Variants in ATRN observed in about 807,000 individuals in gnomAD.
The protein encoded by ATRN is attractin-2.
Under a neutral mutation model 178.7 loss-of-function variants are expected in ATRN, and 54 were observed. The ratio of observed to expected loss-of-function variants is 0.30; its 90% CI spans 0.24 to 0.38. The LOEUF is 0.38. Ranked by LOEUF, ATRN falls within the 10% of genes least tolerant of loss-of-function variation. ATRN has a pLI of 1.00. For missense variants in ATRN, 1,443 were observed against 1,815.1 expected, an observed-to-expected ratio of 0.79 and a Z score of 3.73; for synonymous variants, 636 against 663.0, an observed-to-expected ratio of 0.96 and a Z score of 0.63.
chr20:3,568,589 T>C (rs192408493), intron 11 of ATRN, among the ~76,000 whole-genome samples: 1 of 152,346 alleles, frequency 6.6e-6, no homozygotes, highest in East Asian at 1.9e-4. Context: ...ACTGAATTCT[T>C]GAATATTGAA....
At chr20:3,579,266 G>A (rs574099884) in intron 15 of ATRN, among the ~76,000 whole-genome samples, 30 of 152,116 alleles carry the variant, frequency 2.0e-4, no homozygotes, top group Admixed American at 1.1e-3. Flanking sequence ...TGGGTGGATC[G>A]CCTGAGGTCA....
At chr20:3,535,873 G>A (rs1372371014) in intron 2 of ATRN, among the ~76,000 whole-genome samples, 3 of 151,962 alleles carry the variant, frequency 2.0e-5, no homozygotes, top group East Asian at 1.9e-4. Flanking sequence ...CAAGTGATCC[G>A]CTCGCCTCAG....
chr20:3,601,117 A>T (rs2086602152), intron 23 of ATRN, 93 bp downstream of exon 23: 1 of 1,220,904 alleles, frequency 8.2e-7, no homozygotes, highest in Non-Finnish European at 1.2e-6. Flanking sequence ...CAGGAGACAG[A>T]TTGGTTTGAA....
chr20:3,502,123 T>C (rs2084972877), intron 1 of ATRN, among the ~76,000 whole-genome samples: 1 of 152,150 alleles, frequency 6.6e-6, no homozygotes, highest in African/African-American at 2.4e-5. Context: ...TTACTATGTA[T>C]AATATTTTAC....
At chr20:3,497,421 A>G (rs1452159838) in intron 1 of ATRN, among the ~76,000 whole-genome samples, 1 of 151,838 alleles carries the variant, frequency 6.6e-6, no homozygotes, top group Non-Finnish European at 1.5e-5. Flanking sequence ...TCACTTATGA[A>G]GCTTAGTTTG....
intron 3 of ATRN, among the ~76,000 whole-genome samples, chr20:3,540,551 T>C (rs1034119057): frequency 6.6e-6 from 1 of 152,240 alleles, no homozygotes; most frequent in African/African-American, 2.4e-5. Context: ...TGACTTCTCT[T>C]TTCAGTGCCC....
intron 24 of ATRN, among the ~76,000 whole-genome samples, chr20:3,604,743 C>A (rs995835064): frequency 6.6e-6 from 1 of 152,172 alleles, no homozygotes; most frequent in Non-Finnish European, 1.5e-5. Context: ...TCTAGTCAGA[C>A]AGAGGTGGAT....
At chr20:3,572,235 A>G (rs2086135753) in intron 11 of ATRN, among the ~76,000 whole-genome samples, 1 of 152,192 alleles carries the variant, frequency 6.6e-6, no homozygotes, top group Admixed American at 6.5e-5. Flanking sequence ...TATTTAAAAA[A>G]TGAAGATATA....
intron 24 of ATRN, among the ~76,000 whole-genome samples, chr20:3,618,870 G>C (rs1010757143): frequency 6.6e-6 from 1 of 152,148 alleles, no homozygotes; most frequent in Non-Finnish European, 1.5e-5. Context: ...AAGAAAAAAG[G>C]AAGAGTTGTT....
intron 1 of ATRN, among the ~76,000 whole-genome samples, chr20:3,516,303 T>C (rs2085205707): frequency 6.6e-6 from 1 of 152,166 alleles, no homozygotes; most frequent in Non-Finnish European, 1.5e-5. Context: ...TCTCTAGCCT[T>C]ATCTAGCTGC....
chr20:3,621,761 A>G (rs550567217), intron 24 of ATRN, among the ~76,000 whole-genome samples: 1 of 152,302 alleles, frequency 6.6e-6, no homozygotes, highest in South Asian at 2.1e-4. Context: ...TAAAAATGAA[A>G]CCAAAAAGTA....
At chr20:3,565,746 C>T (rs2086024984) in intron 11 of ATRN, among the ~76,000 whole-genome samples, 1 of 137,842 alleles carries the variant, frequency 7.3e-6, no homozygotes, top group African/African-American at 2.8e-5. Context: ...TGCCGTGAGA[C>T]GAGATCGCGC....
chr20:3,605,880 C>G (rs926273521), intron 24 of ATRN, among the ~76,000 whole-genome samples: 22 of 152,226 alleles, frequency 1.4e-4, no homozygotes, highest in African/African-American at 5.3e-4. Context: ...ACCTATACAT[C>G]CTGCACATGT....
chr20:3,609,099 G>T (rs886855897), intron 24 of ATRN, among the ~76,000 whole-genome samples: 10 of 151,926 alleles, frequency 6.6e-5, no homozygotes, highest in Admixed American at 3.9e-4. Context: ...CATTGAATCT[G>T]TAGGTAGCTT....
intron 1 of ATRN, among the ~76,000 whole-genome samples, chr20:3,521,337 A>T (rs2085293344): frequency 3.3e-5 from 5 of 152,114 alleles, no homozygotes. Flanking sequence ...AATAAAAGTC[A>T]AGAGAAAAAA....
intron 3 of ATRN, among the ~76,000 whole-genome samples, chr20:3,543,364 C>T (rs868585830): frequency 3.3e-5 from 5 of 152,270 alleles, no homozygotes; most frequent in Middle Eastern, 3.4e-3. Flanking sequence ...GTAGAAAATG[C>T]ATCACTGTTT....
intron 1 of ATRN, among the ~76,000 whole-genome samples, chr20:3,496,747 T>C (rs549394217): frequency 6.6e-6 from 1 of 152,272 alleles, no homozygotes; most frequent in African/African-American, 2.4e-5. Flanking sequence ...GTTGGTCTAA[T>C]GTTGACAGTG....
chr20:3,634,162 G>A (rs2146322515), intron 25 of ATRN, 149 bp from the exon 26 acceptor site: 1 of 644,792 alleles, frequency 1.6e-6, no homozygotes, highest in Non-Finnish European at 2.8e-6. Flanking sequence ...ATTACCTCCT[G>A]AGCCGGCACA....
At chr20:3,642,606 C>A (rs1227049094) in intron 27 of ATRN, among the ~76,000 whole-genome samples, 8 of 148,678 alleles carry the variant, frequency 5.4e-5, no homozygotes, top group Non-Finnish European at 1.2e-4. Flanking sequence ...CTTGCAGTTA[C>A]TTCATAACTG....
Sources: allele counts gnomAD v4.1 joint callset (sites outside exome capture counted in the v4.1 genomes callset), GRCh38; gene constraint gnomAD v4.1.1; transcripts MANE v1.5; gene names NCBI Gene and HGNC (gene_info 2026-07-23, HGNC 2026-07-21).